KIAA1217: variants seen among roughly 807,000 people sequenced by gnomAD.
The protein encoded by KIAA1217 is KIAA1217.
In KIAA1217, 88 loss-of-function variants were observed where a neutral mutation model predicts 163.9. That is an observed-to-expected ratio of 0.54 (90% confidence interval 0.45 to 0.64). The LOEUF is 0.64. Ranked by LOEUF, KIAA1217 falls within the 30% of genes least tolerant of loss-of-function variation. KIAA1217 has a pLI of 0.00. For missense variants in KIAA1217, 2,372 were observed against 2,475.0 expected (o/e 0.96, Z 0.88); for synonymous variants, 903 against 923.1 (o/e 0.98, Z 0.39).
chr10:23,934,254 G>T (rs1843378969), intron 1 of KIAA1217, among the ~76,000 whole-genome samples: 1 of 151,868 alleles, frequency 6.6e-6, no homozygotes, highest in African/African-American at 2.4e-5. Context: ...GGATGAAGCT[G>T]GAAGCCATCA....
At chr10:24,119,878 T>A (rs530073001) in intron 2 of KIAA1217, among the ~76,000 whole-genome samples, 1 of 152,186 alleles carries the variant, frequency 6.6e-6, no homozygotes, top group African/African-American at 2.4e-5. Context: ...TTCCTACACA[T>A]CCCAGGTCCC....
In KIAA1217 at chr10:24,473,978, C is replaced by T; in HGVS notation, c.1597C>T (p.Leu533Phe). The change falls in exon 6 of 21, where the codon CTT (leucine) becomes TTT (phenylalanine). Residue 533 changes from leucine to phenylalanine, a missense_variant. Leu to Phe is a conservative substitution (Grantham distance 22). Coordinates refer to ENST00000376454, the MANE Select transcript of KIAA1217 (RefSeq NM_019590.5). ...ACGGAGCGCTGCAGGATTATCCAGC[C>T]TTGTAGACCTCGGCCCTCCTCTAAT... ...KPRSAAGLSS[L>F]VDLGPPLMEK... is the part of the protein sequence containing the mutation. 1 of 1,614,106 alleles carries T rather than the reference C, an allele frequency of 6.2e-7. No individual in the cohort carries two copies. The highest frequency in any genetic ancestry group is 1.3e-5 in the African/African-American group (1 of 75,042).
At chr10:23,754,346 A>G (rs1833814156) in intron 1 of KIAA1217, among the ~76,000 whole-genome samples, 1 of 152,202 alleles carries the variant, frequency 6.6e-6, no homozygotes, top group Admixed American at 6.5e-5. Flanking sequence ...CCTAAAAGCA[A>G]TCAGGATGAC....
chr10:24,136,895 A>G (rs140076275), intron 2 of KIAA1217, among the ~76,000 whole-genome samples: 4 of 152,336 alleles, frequency 2.6e-5, no homozygotes, highest in African/African-American at 9.6e-5. Flanking sequence ...AGCTGTTTAC[A>G]AAAGCATTAA....
chr10:23,897,396 C>T (rs1194294284), intron 1 of KIAA1217, among the ~76,000 whole-genome samples: 2 of 152,100 alleles, frequency 1.3e-5, no homozygotes, highest in African/African-American at 4.8e-5. Flanking sequence ...ATGTCCTTTG[C>T]CCTGTCTCTC....
intron 1 of KIAA1217, among the ~76,000 whole-genome samples, chr10:23,761,386 G>A (rs762585719): frequency 5.9e-5 from 9 of 152,212 alleles, no homozygotes; most frequent in Non-Finnish European, 8.8e-5. Flanking sequence ...TCTGATGTGA[G>A]CATTTAGTGC....
chr10:24,217,938 G>C (rs1188917493), intron 1 of KIAA1217, among the ~76,000 whole-genome samples: 1 of 152,182 alleles, frequency 6.6e-6, no homozygotes, highest in Non-Finnish European at 1.5e-5. Flanking sequence ...TGAAGAGAAT[G>C]ACACTGAGAG....
intron 2 of KIAA1217, among the ~76,000 whole-genome samples, chr10:24,150,607 C>T (rs191187611): frequency 1.3e-5 from 2 of 152,270 alleles, no homozygotes; most frequent in African/African-American, 4.8e-5. Flanking sequence ...TCTCACTTGT[C>T]AGGACAGAAA....
At chr10:24,135,175 C>G (rs1190008057) in intron 2 of KIAA1217, among the ~76,000 whole-genome samples, 2 of 152,210 alleles carry the variant, frequency 1.3e-5, no homozygotes, top group African/African-American at 4.8e-5. Flanking sequence ...ACACTCCCTT[C>G]TCTTTCCTCC....
At chr10:24,447,376 T>C (rs535639242) in intron 5 of KIAA1217, among the ~76,000 whole-genome samples, 4 of 152,258 alleles carry the variant, frequency 2.6e-5, no homozygotes, top group African/African-American at 9.6e-5. Context: ...CCTAATGCTA[T>C]GCCTCCCCAC....
At position 24,511,877 on chromosome 10, in the gene KIAA1217, A is replaced by C. The variant is rs550004591; in HGVS notation, c.2002-1382A>C. Among the ~76,000 whole-genome samples the C allele has an allele frequency of 2.6e-5, 4 of 152,230 alleles. No individual in the cohort carries two copies. The South Asian group carries it at 8.3e-4, about 32-fold the overall frequency. ...TGTTAGCAATGGCTGGTACGTGTTC[A>C]GGTTTAGATTGGTGCCAGACACTTT... On this transcript the variant is annotated intron_variant, in intron 9 of 20. Transcript: ENST00000376454.
In KIAA1217 at chr10:24,241,126, C is replaced by T. The variant is rs552798498; in HGVS notation, c.354+21217C>T. Among the ~76,000 whole-genome samples, 335 of 152,254 alleles carry T rather than the reference C, an allele frequency of 2.2e-3. 1 individual carries two copies. The highest frequency in any genetic ancestry group is 7.7e-3 in the African/African-American group (319 of 41,554). ...CCTCCCGAAATGCTGGGATTACAGG[C>T]TTGAGCCACTGCACCCGGCCTTGGC... is the stretch of plus-strand genomic sequence containing the variant. On this transcript the variant is annotated intron_variant, in intron 2 of 20. Coordinates refer to ENST00000376454, the MANE Select transcript of KIAA1217 (RefSeq NM_019590.5).
At position 24,087,758 on chromosome 10, in the gene KIAA1217, G is replaced by A. The variant is rs922476297; in HGVS notation, c.-171+80384G>A. The stretch of plus-strand genomic sequence containing the variant: ...AATGAGATGTGGGGTTTATTCCATC[G>A]TGGTAGTCTTCTTGCTCACAGTGAC... On this transcript the variant is annotated intron_variant, in intron 2 of 18. Coordinates refer to the KIAA1217 transcript ENST00000376462. Among the ~76,000 whole-genome samples, 9 of 152,188 alleles carry A rather than the reference G, an allele frequency of 5.9e-5. No homozygotes were observed. The South Asian group carries it at 6.2e-4, about 10-fold the overall frequency.
At position 23,898,302 on chromosome 10, in the gene KIAA1217, T is replaced by TACAC. The variant is rs1006774089; in HGVS notation, c.-320-108922_-320-108921insCACA. On this transcript the variant is annotated intron_variant, in intron 1 of 18. Coordinates refer to the KIAA1217 transcript ENST00000376462. Reference sequence around the variant, plus strand: ...GTTTCTATATTTATAAGACTATATATATACACACACACACACACACACACA... The same window carrying TACAC: ...GTTTCTATATTTATAAGACTATATATACACATACACACACACACACACACACACA... 2.2e-5 allele frequency among the ~76,000 whole-genome samples: 3 copies of TACAC among 134,998 alleles called. No individual in the cohort carries two copies. In the South Asian group the frequency reaches 6.8e-4, roughly 31 times the overall value. The allele number at this position is 134,998 out of a possible 152,430, so 88.6% of individuals were successfully genotyped here. A position where few individuals can be genotyped will look rare whatever the true frequency, so the allele number is the denominator to read the frequency against.
At chr10:24,528,227 T>C in intron 14 of KIAA1217, 108 bp downstream of exon 14, 1 of 804,134 alleles carries the variant, frequency 1.2e-6, no homozygotes, top group Non-Finnish European at 1.9e-6. Context: ...GTCTCAGTTC[T>C]TACAAATCTT....
At chr10:24,381,349 A>G (rs575058805) in intron 3 of KIAA1217, among the ~76,000 whole-genome samples, 8 of 152,260 alleles carry the variant, frequency 5.3e-5, no homozygotes, top group African/African-American at 1.4e-4. Context: ...TCCTGCTACT[A>G]TACAGCAGGA....
At chr10:24,394,917 G>C (rs1052536919) in intron 3 of KIAA1217, among the ~76,000 whole-genome samples, 7 of 152,166 alleles carry the variant, frequency 4.6e-5, no homozygotes, top group African/African-American at 1.4e-4. Context: ...ACTTTAGCAG[G>C]AGACGTGTTA....
intron 1 of KIAA1217, among the ~76,000 whole-genome samples, chr10:23,703,767 A>G (rs764563654): frequency 1.3e-4 from 19 of 150,952 alleles, no homozygotes; most frequent in Non-Finnish European, 2.4e-4. Context: ...TAGAGAAAAT[A>G]AAAGGTATAG....
intron 2 of KIAA1217, among the ~76,000 whole-genome samples, chr10:24,090,101 G>A (rs1284187964): frequency 2.7e-5 from 4 of 150,050 alleles, no homozygotes; most frequent in African/African-American, 9.9e-5. Flanking sequence ...GGGAGATCCT[G>A]CTCAGTTGCT....
Sources: gnomAD v4.1 joint callset for allele counts (sites outside exome capture counted in the v4.1 genomes callset) on GRCh38, gnomAD v4.1.1 for gene constraint, MANE v1.5 for transcripts, NCBI Gene and HGNC (gene_info 2026-07-23, HGNC 2026-07-21) for gene names.